The following NRXN3 variants were observed in gnomAD, a reference collection of about 807,000 sequenced individuals.
The protein encoded by NRXN3 is neurexin III.
In NRXN3, 32 loss-of-function variants were observed where a neutral mutation model predicts 137.6. The observed-to-expected ratio is 0.23, with a 90% CI of 0.18 to 0.31. The LOEUF is 0.31. Ranked by LOEUF, NRXN3 falls within the 10% of genes least tolerant of loss-of-function variation. NRXN3 has a pLI of 1.00. For synonymous variants in NRXN3, 798 were observed against 784.5 expected (o/e 1.02, Z -0.29); for missense variants, 1,574 against 2,062.5 (o/e 0.76, Z 4.59).
chr14:78,403,513 C>T (rs2092261765), intron 4 of NRXN3, among the ~76,000 whole-genome samples: 1 of 152,136 alleles, frequency 6.6e-6, no homozygotes, highest in Non-Finnish European at 1.5e-5. Context: ...AATAAATCCC[C>T]TGGGAGAGGA....
At chr14:78,908,472 T>G (rs1188375826) in intron 10 of NRXN3, among the ~76,000 whole-genome samples, 1 of 152,072 alleles carries the variant, frequency 6.6e-6, no homozygotes, top group East Asian at 1.9e-4. Flanking sequence ...CCCACCAGTC[T>G]TTTTCAGAAT....
At chr14:78,728,094 C>T (rs1242251983) in intron 8 of NRXN3, among the ~76,000 whole-genome samples, 1 of 152,166 alleles carries the variant, frequency 6.6e-6, no homozygotes, top group African/African-American at 2.4e-5. Context: ...TATTTTGAAT[C>T]CTTGATGAGA....
In NRXN3 at chr14:79,863,517, T is replaced by TA. The variant is rs72012481; in HGVS notation, c.*1564dup. The TA allele has an allele frequency of 2.7e-3, 396 of 148,106 alleles. 2 individuals are homozygous for TA. The highest frequency in any genetic ancestry group is 2.9e-3 in the Non-Finnish European group (192 of 66,382). The allele number at this position is 148,106 out of a possible 1,614,324, so 9.2% of individuals were successfully genotyped here. ...CACAGTTAACTGTGTCAAAGAGAAT[T>TA]AAAAAAAAAAACTTCAGATTTTGTT... On this transcript the variant is annotated 3_prime_UTR_variant, in exon 21 of 21. Transcript: ENST00000335750.
At chr14:78,388,255 C>T (rs574766344) in intron 4 of NRXN3, among the ~76,000 whole-genome samples, 4 of 152,242 alleles carry the variant, frequency 2.6e-5, no homozygotes, top group South Asian at 2.1e-4. Flanking sequence ...ACTCCAAGTG[C>T]GAGGCTCCTT....
chr14:79,425,868 A>G (rs963207161), intron 15 of NRXN3, among the ~76,000 whole-genome samples: 1 of 152,208 alleles, frequency 6.6e-6, no homozygotes, highest in African/African-American at 2.4e-5. Context: ...TTTCTGGTCT[A>G]GAGCTCTTTC....
At chr14:78,284,806 C>T (rs2074938584) in intron 3 of NRXN3, among the ~76,000 whole-genome samples, 1 of 152,058 alleles carries the variant, frequency 6.6e-6, no homozygotes. Context: ...AACTTAGATC[C>T]CAGCCATTGT....
At chr14:78,480,953 T>C (rs577521604) in intron 4 of NRXN3, among the ~76,000 whole-genome samples, 3 of 152,198 alleles carry the variant, frequency 2.0e-5, no homozygotes, top group African/African-American at 4.8e-5. Flanking sequence ...TTCCTCTACG[T>C]TGTCTCTCCT....
At chr14:79,716,694 A>AT (rs2098824764) in intron 19 of NRXN3, among the ~76,000 whole-genome samples, 1 of 152,096 alleles carries the variant, frequency 6.6e-6, no homozygotes, top group Non-Finnish European at 1.5e-5. Flanking sequence ...AATGTGCCCA[A>AT]TTCAATTCAC....
chr14:78,286,775 G>T (rs574237068), intron 3 of NRXN3, among the ~76,000 whole-genome samples: 1 of 152,348 alleles, frequency 6.6e-6, no homozygotes, highest in Admixed American at 6.5e-5. Flanking sequence ...ACATGCTTTT[G>T]AGCCCTTCCT....
chr14:79,746,550 A>G (rs1168644128), intron 19 of NRXN3, among the ~76,000 whole-genome samples: 1 of 152,140 alleles, frequency 6.6e-6, no homozygotes, highest in Admixed American at 6.6e-5. Flanking sequence ...CTCAAAATAC[A>G]TACTTTTTCA....
chr14:78,522,892 G>T (rs2096306129), intron 4 of NRXN3, among the ~76,000 whole-genome samples: 1 of 152,100 alleles, frequency 6.6e-6, no homozygotes, highest in Non-Finnish European at 1.5e-5. Context: ...GAAAAATAGA[G>T]AATCAATATC....
At chr14:79,286,535 A>AATATATATAT (rs111827205) in intron 15 of NRXN3, among the ~76,000 whole-genome samples, 92 of 139,660 alleles carry the variant, frequency 6.6e-4, no homozygotes, top group South Asian at 1.4e-3. Context: ...TTGAGAGAAT[A>AATATATATAT]ATATATATAT....
chr14:78,952,230 A>G lies in NRXN3; in HGVS notation c.2276-5012A>G, dbSNP rs186489611. On this transcript the variant is annotated intron_variant, in intron 10 of 20. Coordinates refer to ENST00000335750, the MANE Select transcript of NRXN3 (RefSeq NM_001330195.2). Reference sequence around the variant, plus strand: ...GGCTCTAAAAATAATTATGATTTAAAATGTTTTTTTTTTCCAGTGAATATG... The same window carrying G: ...GGCTCTAAAAATAATTATGATTTAAGATGTTTTTTTTTTCCAGTGAATATG... Among the ~76,000 whole-genome samples the G allele has an allele frequency of 5.0e-3, 715 of 143,736 alleles. 6 individuals are homozygous for G. The highest frequency in any genetic ancestry group is 0.019 in the African/African-American group (687 of 35,818). The allele number at this position is 143,736 out of a possible 152,430, so 94.3% of individuals were successfully genotyped here.
chr14:78,653,175 T>C (rs780135213), intron 6 of NRXN3, among the ~76,000 whole-genome samples: 1 of 152,178 alleles, frequency 6.6e-6, no homozygotes, highest in Non-Finnish European at 1.5e-5. Flanking sequence ...TGCAGGATGT[T>C]ACCTAGGCTT....
At chr14:79,268,471 C>A (rs2078780464) in intron 15 of NRXN3, among the ~76,000 whole-genome samples, 1 of 152,154 alleles carries the variant, frequency 6.6e-6, no homozygotes, top group African/African-American at 2.4e-5. Flanking sequence ...GTTGCTCAGC[C>A]ACAGCACATT....
chr14:78,254,916 C>A (rs951836304), intron 2 of NRXN3, among the ~76,000 whole-genome samples: 2 of 151,756 alleles, frequency 1.3e-5, no homozygotes, highest in Admixed American at 1.3e-4. Flanking sequence ...TGGAGACAGG[C>A]CTTGGAAGCA....
intron 4 of NRXN3, among the ~76,000 whole-genome samples, chr14:78,598,840 T>C (rs529716928): frequency 2.7e-4 from 41 of 152,242 alleles, no homozygotes; most frequent in African/African-American, 9.6e-4. Context: ...TGGTGTAGTC[T>C]TTAAGTGAGT....
intron 4 of NRXN3, among the ~76,000 whole-genome samples, chr14:78,469,295 T>G (rs1334413839): frequency 1.3e-5 from 2 of 152,196 alleles, no homozygotes; most frequent in East Asian, 3.9e-4. Context: ...TGAAAAATAC[T>G]GATGCCTGGG....
At chr14:79,470,856 GTA>G (rs1327300006) in intron 16 of NRXN3, among the ~76,000 whole-genome samples, 2 of 150,788 alleles carry the variant, frequency 1.3e-5, no homozygotes, top group Admixed American at 1.3e-4. Flanking sequence ...AGCCAGCGGT[GTA>G]TATGTGTGTG....
Sources: allele counts gnomAD v4.1 joint callset (sites outside exome capture counted in the v4.1 genomes callset), GRCh38; gene constraint gnomAD v4.1.1; transcripts MANE v1.5; gene names NCBI Gene and HGNC (gene_info 2026-07-23, HGNC 2026-07-21).